Variants in ENPEP observed in about 807,000 individuals in gnomAD.
ENPEP encodes AP-A.
In ENPEP, 103 loss-of-function variants were observed where a neutral mutation model predicts 114.5. That is an observed-to-expected ratio of 0.90 (90% confidence interval 0.77 to 1.06). ENPEP has a LOEUF of 1.06. ENPEP is among the 50% of genes least tolerant of loss of function. The pLI, the probability that ENPEP is intolerant of heterozygous loss-of-function variation, is 0.00. For missense variants in ENPEP, 1,196 were observed against 1,161.3 expected, an observed-to-expected ratio of 1.03 and a Z score of -0.43; for synonymous variants, 420 against 422.0, an observed-to-expected ratio of 1.00 and a Z score of 0.06.
intron 17 of ENPEP, among the ~76,000 whole-genome samples, chr4:110,551,584 A>C (rs1727285301): frequency 6.6e-6 from 1 of 152,128 alleles, no homozygotes; most frequent in Admixed American, 6.6e-5. Flanking sequence ...ATTTTCATAA[A>C]AGTAGATTTA....
intron 3 of ENPEP, among the ~76,000 whole-genome samples, chr4:110,501,574 A>C (rs1285002845): frequency 6.6e-6 from 1 of 152,200 alleles, no homozygotes; most frequent in Non-Finnish European, 1.5e-5. Flanking sequence ...TTAGGATAAA[A>C]GACTCCAGCT....
At chr4:110,496,109 A>G (rs1724926878) in intron 3 of ENPEP, among the ~76,000 whole-genome samples, 1 of 152,188 alleles carries the variant, frequency 6.6e-6, no homozygotes, top group Admixed American at 6.5e-5. Context: ...TCTCTCTGTG[A>G]ATGGGTTCTT....
chr4:110,495,332 G>A (rs1724885761), intron 3 of ENPEP, among the ~76,000 whole-genome samples: 1 of 152,216 alleles, frequency 6.6e-6, no homozygotes, highest in Admixed American at 6.5e-5. Flanking sequence ...TGTTAGGTTT[G>A]TGTTGCTTTC....
chr4:110,521,957 C>A (rs114313035), intron 10 of ENPEP, among the ~76,000 whole-genome samples: 402 of 151,906 alleles, frequency 2.6e-3, no homozygotes, highest in African/African-American at 9.3e-3. Context: ...CAGCCCACTG[C>A]AACCTGTGCC....
At chr4:110,505,071 A>C (rs1232083873) in intron 3 of ENPEP, among the ~76,000 whole-genome samples, 1 of 152,248 alleles carries the variant, frequency 6.6e-6, no homozygotes, top group Admixed American at 6.5e-5. Context: ...AGTTCACAGA[A>C]GAAAAATTCT....
chr4:110,529,342 C>T (rs182387533), intron 10 of ENPEP, among the ~76,000 whole-genome samples: 2 of 152,226 alleles, frequency 1.3e-5, no homozygotes, highest in African/African-American at 4.8e-5. Flanking sequence ...TGTTCTTTGT[C>T]GGTCTTCTGA....
intron 11 of ENPEP, among the ~76,000 whole-genome samples, chr4:110,536,898 A>G (rs891048848): frequency 6.6e-6 from 1 of 152,352 alleles, no homozygotes; most frequent in South Asian, 2.1e-4. Flanking sequence ...GCAATAAAGC[A>G]AATATCACAA....
intron 3 of ENPEP, among the ~76,000 whole-genome samples, chr4:110,501,129 G>A (rs1725137611): frequency 6.6e-6 from 1 of 152,096 alleles, no homozygotes; most frequent in African/African-American, 2.4e-5. Context: ...ATATATGGTA[G>A]TTAAGACACA....
rs148437568 is a variant in ENPEP at position 110,562,915 on chromosome 4, A to G, written c.*1357A>G. 74 of 152,274 alleles carry G rather than the reference A, an allele frequency of 4.9e-4. 1 individual carries two copies. The East Asian group carries it at 0.011, about 23-fold the overall frequency. The allele number at this position is 152,274 out of a possible 1,614,324, so 9.4% of individuals were successfully genotyped here. ...AAACCTTAGCTTTAACTTTATTTAT[A>G]CAATAATGTGCCCTAATCATGTACT... On this transcript the variant is annotated 3_prime_UTR_variant, in exon 20 of 20. Transcript: ENST00000265162.
chr4:110,530,344 C>A (rs1389075973), intron 10 of ENPEP, among the ~76,000 whole-genome samples: 4 of 152,118 alleles, frequency 2.6e-5, no homozygotes, highest in Admixed American at 6.6e-5. Flanking sequence ...TTTGTTATAT[C>A]TTGAAAAGGT....
chr4:110,559,693 G>C lies in ENPEP; in HGVS notation c.2689G>C (p.Glu897Gln). The change falls in exon 19 of 20, where the codon GAG (glutamate) becomes CAG (glutamine). Residue 897 changes from glutamate to glutamine, a missense_variant. Physicochemically the swap from Glu to Gln is conservative, Grantham distance 29. Transcript: ENST00000265162. Reference sequence around the variant, plus strand: ...CCTTGGCCGAATTGTCACAATAGCAGAGCCATTCAACACTGAACTGCAACT... The same window carrying C: ...CCTTGGCCGAATTGTCACAATAGCACAGCCATTCAACACTGAACTGCAACT... The part of the protein sequence containing the change: ...RNLGRIVTIA[E>Q]PFNTELQLWQ... 1 of 1,613,930 alleles carries C rather than the reference G, an allele frequency of 6.2e-7. No individual in the cohort carries two copies. Among genetic ancestry groups the C allele is most frequent in the Middle Eastern group, 1.6e-4 (1 of 6,062 alleles).
chr4:110,492,355 A>C (rs1208545154), intron 3 of ENPEP, among the ~76,000 whole-genome samples: 2 of 152,152 alleles, frequency 1.3e-5, no homozygotes, highest in African/African-American at 4.8e-5. Flanking sequence ...CTGATGTGTG[A>C]TATTCTGAAA....
At chr4:110,518,392 G>A (rs528694899) in intron 8 of ENPEP, among the ~76,000 whole-genome samples, 10 of 152,240 alleles carry the variant, frequency 6.6e-5, no homozygotes, top group Admixed American at 2.6e-4. Context: ...AACATTGTTC[G>A]TTTCCTTTTG....
Position 110,535,729 on chromosome 4 carries a change from G to A in ENPEP, c.1807+4452G>A, listed in dbSNP as rs539990875. On this transcript the variant is annotated intron_variant, in intron 11 of 19. Transcript: ENST00000265162. Reference sequence around the variant, plus strand: ...GGGCTGGGCGCGGTGGCTCACGCCTGTAATCCCAACACTTTGGGAGGCCAA... The same window carrying A: ...GGGCTGGGCGCGGTGGCTCACGCCTATAATCCCAACACTTTGGGAGGCCAA... Among the ~76,000 whole-genome samples, 5 of 152,302 alleles carry A rather than the reference G, an allele frequency of 3.3e-5. No homozygotes were observed. In the South Asian group the frequency reaches 1.0e-3, roughly 32 times the overall value.
rs751158468 is a variant in ENPEP, at chr4:110,542,845, AACTTGGG to A, written c.1906_1912del (p.Trp636ArgfsTer2). On this transcript the variant is annotated frameshift_variant, in exon 12 of 20. Coordinates refer to ENST00000265162, the MANE Select transcript of ENPEP (RefSeq NM_001977.4). LOFTEE classifies it high-confidence loss of function. ...TTTATCGTGTAAATTATGAAGTAGC[AACTTGGG>A]ACTCGATAGCTACAGCGCTCTCCTT... 6.2e-7 allele frequency: 1 copy of A among 1,613,230 alleles called. No homozygotes were observed. Among genetic ancestry groups the A allele is most frequent in the South Asian group, 1.1e-5 (1 of 91,052 alleles).
At chr4:110,521,644 T>C (rs1249480917) in intron 10 of ENPEP, among the ~76,000 whole-genome samples, 2 of 151,990 alleles carry the variant, frequency 1.3e-5, no homozygotes, top group Admixed American at 1.3e-4. Context: ...CATTCAGAGA[T>C]GAAGAACTAT....
chr4:110,513,604 T>C, intron 7 of ENPEP, 55 bp downstream of exon 7: 1 of 1,595,786 alleles, frequency 6.3e-7, no homozygotes, highest in Admixed American at 1.7e-5. Context: ...ACTTTTCTTT[T>C]AGTGGATACC....
At chr4:110,477,496 A>G (rs1280488927) in intron 1 of ENPEP, among the ~76,000 whole-genome samples, 1 of 152,144 alleles carries the variant, frequency 6.6e-6, no homozygotes, top group Admixed American at 6.6e-5. Context: ...AGTAAATTTC[A>G]GTTATTATTT....
At chr4:110,521,594 A>G (rs143285355) in intron 10 of ENPEP, among the ~76,000 whole-genome samples, 1 of 152,008 alleles carries the variant, frequency 6.6e-6, no homozygotes, top group African/African-American at 2.4e-5. Context: ...CTGACTTTAT[A>G]AGATGCATAA....
Sources: gnomAD v4.1 joint callset for allele counts (sites outside exome capture counted in the v4.1 genomes callset) on GRCh38, gnomAD v4.1.1 for gene constraint, MANE v1.5 for transcripts, NCBI Gene and HGNC (gene_info 2026-07-23, HGNC 2026-07-21) for gene names.